The following ST18 variants were observed in gnomAD, a reference collection of about 807,000 sequenced individuals.
The protein encoded by ST18 is ST18 C2H2C-type zinc finger transcription factor, also known as suppression of tumorigenicity 18 protein.
A neutral mutation model predicts 110.0 loss-of-function variants in ST18; 50 were observed. The ratio of observed to expected loss-of-function variants is 0.45; its 90% CI spans 0.36 to 0.58. ST18 has a LOEUF of 0.58. Among genes scored for constraint, ST18 ranks in the 20% least tolerant of loss-of-function variants. The probability of loss-of-function intolerance (pLI) is 0.00; values close to 1 mark genes in which losing one functional copy is unlikely to be tolerated. For missense variants in ST18, 1,306 were observed against 1,280.1 expected, an observed-to-expected ratio of 1.02 and a Z score of -0.31; for synonymous variants, 461 against 452.4, an observed-to-expected ratio of 1.02 and a Z score of -0.24.
At chr8:52,265,177 A>G (rs2094825962) in intron 2 of ST18, among the ~76,000 whole-genome samples, 2 of 152,212 alleles carry the variant, frequency 1.3e-5, no homozygotes, top group Admixed American at 6.5e-5. Context: ...AGCACAGGAC[A>G]AGGCAACTGC....
intron 2 of ST18, chr8:52,405,364 C>T (rs1423536556): frequency 1.3e-5 from 2 of 152,158 alleles, no homozygotes; most frequent in East Asian, 1.9e-4. Context: ...CTAAAACTGC[C>T]TATGCGCAGT....
chr8:52,315,100 CT>C (rs1475349140), intron 2 of ST18, among the ~76,000 whole-genome samples: 3 of 152,144 alleles, frequency 2.0e-5, no homozygotes, highest in African/African-American at 7.2e-5. Context: ...TGCTCTGATT[CT>C]ACATTGCTTA....
chr8:52,366,752 A>G (rs1240191057), intron 2 of ST18, among the ~76,000 whole-genome samples: 1 of 152,040 alleles, frequency 6.6e-6, no homozygotes, highest in Non-Finnish European at 1.5e-5. Flanking sequence ...ATTACCTGAT[A>G]TTGTCTTATT....
At chr8:52,243,862 TGAAAGAGA>T (rs2093638524) in intron 2 of ST18, among the ~76,000 whole-genome samples, 1 of 151,828 alleles carries the variant, frequency 6.6e-6, no homozygotes, top group Non-Finnish European at 1.5e-5. Flanking sequence ...GGAGTGTGTG[TGAAAGAGA>T]GAAAGAGAGA....
intron 2 of ST18, among the ~76,000 whole-genome samples, chr8:52,319,837 G>T (rs1344972477): frequency 6.6e-6 from 1 of 152,132 alleles, no homozygotes; most frequent in East Asian, 1.9e-4. Context: ...GCCTGCATGT[G>T]CCTTCTCCAA....
At chr8:52,260,952 A>T (rs79789712) in intron 2 of ST18, among the ~76,000 whole-genome samples, 12,752 of 152,262 alleles carry the variant, frequency 0.084, 586 homozygotes, top group East Asian at 0.16. Context: ...TGTTTGAAAT[A>T]AGTGTCTTCA....
chr8:52,377,365 G>A (rs953126022), intron 2 of ST18, among the ~76,000 whole-genome samples: 3 of 152,120 alleles, frequency 2.0e-5, no homozygotes, highest in Admixed American at 6.5e-5. Context: ...CTGATAAATC[G>A]AGATATTTAG....
At chr8:52,139,242 C>T (rs997390893) in intron 17 of ST18, among the ~76,000 whole-genome samples, 3 of 152,022 alleles carry the variant, frequency 2.0e-5, no homozygotes, top group African/African-American at 7.2e-5. Context: ...CTGGAGTATT[C>T]AGAGTGAGAG....
chr8:52,150,019 C>T, intron 15 of ST18, 42 bp from the exon 16 acceptor site: 1 of 1,581,836 alleles, frequency 6.3e-7, no homozygotes, highest in East Asian at 2.2e-5. Flanking sequence ...AAGCAGTTTG[C>T]AGTTACAGCC....
chr8:52,277,196 G>A (rs1022824226), intron 2 of ST18, among the ~76,000 whole-genome samples: 1 of 152,220 alleles, frequency 6.6e-6, no homozygotes, highest in African/African-American at 2.4e-5. Context: ...AAGCGCTCTG[G>A]ATGTGAGAAA....
chr8:52,367,661 A>T (rs565827149), intron 2 of ST18, among the ~76,000 whole-genome samples: 1 of 152,328 alleles, frequency 6.6e-6, no homozygotes, highest in South Asian at 2.1e-4. Flanking sequence ...AAACTGTTCA[A>T]CCCATACACC....
intron 8 of ST18, among the ~76,000 whole-genome samples, chr8:52,187,935 TA>T (rs1314726191): frequency 6.6e-6 from 1 of 152,226 alleles, no homozygotes; most frequent in East Asian, 1.9e-4. Context: ...TACTTCTAGT[TA>T]AAACAAAACT....
chr8:52,142,355 T>G (rs574772356), intron 17 of ST18, among the ~76,000 whole-genome samples: 1 of 152,180 alleles, frequency 6.6e-6, no homozygotes, highest in Admixed American at 6.5e-5. Context: ...CAGTCCTGAT[T>G]CCTAAGTGGA....
At chr8:52,278,911 C>T (rs1413446547) in intron 2 of ST18, among the ~76,000 whole-genome samples, 1 of 152,102 alleles carries the variant, frequency 6.6e-6, no homozygotes, top group Non-Finnish European at 1.5e-5. Context: ...CTGCTGGAGG[C>T]AAGTACAAAT....
chr8:52,125,387 G>GTACACACACACACACACA (rs1417426293), intron 23 of ST18, among the ~76,000 whole-genome samples: 13 of 130,596 alleles, frequency 1.0e-4, no homozygotes, highest in African/African-American at 5.3e-4. Context: ...AAACGCGCAC[G>GTACACACACACACACACA]TACACACACA....
intron 2 of ST18, among the ~76,000 whole-genome samples, chr8:52,328,777 A>T (rs990099261): frequency 6.6e-6 from 1 of 151,908 alleles, no homozygotes; most frequent in South Asian, 2.1e-4. Context: ...TTTTTCCAAT[A>T]AAAAAAATAC....
At chr8:52,318,518 C>G (rs2096068918) in intron 2 of ST18, among the ~76,000 whole-genome samples, 2 of 152,202 alleles carry the variant, frequency 1.3e-5, no homozygotes, top group South Asian at 2.1e-4. Context: ...GGCAGAAATA[C>G]CATTCAACCC....
chr8:52,131,448 T>C (rs552470485), intron 22 of ST18, among the ~76,000 whole-genome samples: 1 of 152,342 alleles, frequency 6.6e-6, no homozygotes, highest in East Asian at 1.9e-4. Flanking sequence ...CTAGATCTCC[T>C]GTATCCTGCT....
At chr8:52,346,666 A>G (rs1005156197) in intron 2 of ST18, among the ~76,000 whole-genome samples, 1 of 152,262 alleles carries the variant, frequency 6.6e-6, no homozygotes, top group Admixed American at 6.5e-5. Flanking sequence ...TTAGTAGAAT[A>G]GTACCTTAAA....
Sources: allele counts gnomAD v4.1 joint callset (sites outside exome capture counted in the v4.1 genomes callset), GRCh38; gene constraint gnomAD v4.1.1; transcripts MANE v1.5; gene names NCBI Gene and HGNC (gene_info 2026-07-23, HGNC 2026-07-21).